ABCA3: variants seen among roughly 807,000 people sequenced by gnomAD.
The protein encoded by ABCA3 is phospholipid-transporting ATPase ABCA3.
Under a neutral mutation model 172.8 loss-of-function variants are expected in ABCA3, and 88 were observed. The observed-to-expected ratio is 0.51, with a 90% CI of 0.43 to 0.61. The LOEUF (loss-of-function observed/expected upper bound fraction) is 0.61. Among genes scored for constraint, ABCA3 ranks in the 20% least tolerant of loss-of-function variants. ABCA3 has a pLI of 0.00. For synonymous variants in ABCA3, 1,066 were observed against 983.8 expected (o/e 1.08, Z -1.56); for missense variants, 2,164 against 2,301.0 (o/e 0.94, Z 1.22).
intron 1 of ABCA3, chr16:2,332,316 T>C: frequency 1.4e-6 from 1 of 702,548 alleles, no homozygotes; most frequent in South Asian, 1.6e-5. Context: ...GATGGGCTTA[T>C]CGGTAGGATT....
intron 11 of ABCA3, among the ~76,000 whole-genome samples, chr16:2,306,213 T>C (rs1391016068): frequency 6.6e-6 from 1 of 151,994 alleles, no homozygotes; most frequent in Non-Finnish European, 1.5e-5. Flanking sequence ...GTAGTCCAGC[T>C]ACTCAGGAGG....
intron 10 of ABCA3, among the ~76,000 whole-genome samples, chr16:2,316,922 C>G (rs1236250273): frequency 6.6e-6 from 1 of 152,124 alleles, no homozygotes; most frequent in Non-Finnish European, 1.5e-5. Flanking sequence ...AACAAAGAAG[C>G]AAAAGAGAAT....
chr16:2,284,151 G>T lies in ABCA3; in HGVS notation c.3862+128C>A. 2 of 1,239,306 alleles carry T rather than the reference G, an allele frequency of 1.6e-6. No homozygotes were observed. Among genetic ancestry groups the T allele is most frequent in the Non-Finnish European group, 2.2e-6 (2 of 907,022 alleles). The allele number at this position is 1,239,306 out of a possible 1,614,324, so 76.8% of individuals were successfully genotyped here. A position where few individuals can be genotyped will look rare whatever the true frequency, so the allele number is the denominator to read the frequency against. Reference sequence around the variant, plus strand: ...CTGCTGTGGGAGGTGGGGCAAGGCGGTACAGAGGAACGCACCAGCCCCAGG... The same window carrying T: ...CTGCTGTGGGAGGTGGGGCAAGGCGTTACAGAGGAACGCACCAGCCCCAGG... On this transcript the variant is annotated intron_variant, in intron 25 of 32. Transcript: ENST00000301732. The surrounding 1 kb of genome is among the most constrained non-coding windows in gnomAD (Gnocchi z 5.9).
Position 2,323,789 on chromosome 16 carries a change from G to A in ABCA3, c.448-101C>T, listed in dbSNP as rs571077590. 1.3e-4 allele frequency: 168 copies of A among 1,289,144 alleles called. 1 individual carries two copies. The highest frequency in any genetic ancestry group is 2.7e-4 in the South Asian group (22 of 82,964). 79.9% of individuals were successfully genotyped at this position (1,289,144 alleles called of 1,614,324 possible). A position where few individuals can be genotyped will look rare whatever the true frequency, so the allele number is the denominator to read the frequency against. The stretch of plus-strand genomic sequence containing the variant: ...GCGCTTGGGGGGCTGTCACAGCCGA[G>A]AACTCACCACTCCCCCGCCTCTGAG... On this transcript the variant is annotated intron_variant, in intron 6 of 32. Coordinates refer to ENST00000301732, the MANE Select transcript of ABCA3 (RefSeq NM_001089.3).
chr16:2,302,223 C>A (rs2093690630), intron 12 of ABCA3, among the ~76,000 whole-genome samples: 1 of 152,200 alleles, frequency 6.6e-6, no homozygotes. Flanking sequence ...CACTTCGCAC[C>A]TCTATATTTC....
In ABCA3 at chr16:2,299,288, G is replaced by T. The variant is rs186313266; in HGVS notation, c.1741+115C>A. 6 of 1,451,080 alleles carry T rather than the reference G, an allele frequency of 4.1e-6. No homozygotes were observed. In the African/African-American group the frequency reaches 5.6e-5, roughly 13 times the overall value. The allele number at this position is 1,451,080 out of a possible 1,614,324, so 89.9% of individuals were successfully genotyped here. ...GCAGGGCTGAGGTGCATCTCCTGCCGCTGTGGTTGGGGAAGGCCCGAAAGC... is the reference window on the plus strand; with the variant it reads ...GCAGGGCTGAGGTGCATCTCCTGCCTCTGTGGTTGGGGAAGGCCCGAAAGC... On this transcript the variant is annotated intron_variant, in intron 14 of 32. Transcript: ENST00000301732.
chr16:2,298,607 C>T (rs979163023), intron 14 of ABCA3, 67 bp from the exon 15 acceptor site: 1 of 1,564,568 alleles, frequency 6.4e-7, no homozygotes, highest in African/African-American at 1.4e-5. Flanking sequence ...GCGGTAATGA[C>T]CCCCCACCCC....
chr16:2,287,823 G>T lies in ABCA3; in HGVS notation c.3004+203C>A, dbSNP rs1412289520. On this transcript the variant is annotated intron_variant, in intron 21 of 32. Coordinates refer to ENST00000301732, the MANE Select transcript of ABCA3 (RefSeq NM_001089.3). This position sits in a 1 kb window ranked among gnomAD's most constrained non-coding sequence, Gnocchi z 4.1. ...CAGTGCCGTGATCTGCCACCCAGGG[G>T]ACATCCGCAATGTTTCCAGGCATGT... 1.3e-5 allele frequency among the ~76,000 whole-genome samples: 2 copies of T among 152,224 alleles called. No homozygotes were observed. Among genetic ancestry groups the T allele is most frequent in the Non-Finnish European group, 2.9e-5 (2 of 68,034 alleles).
At position 2,285,317 on chromosome 16, in the gene ABCA3, CT is replaced by C; in HGVS notation, c.3483+124del. Reference sequence around the variant, plus strand: ...CAGCCGCCAGGGGATTCCAGCTGTCCTCCCTGAGTCGGGCCGAGCTGCCGGC... The same window carrying C: ...CAGCCGCCAGGGGATTCCAGCTGTCCCCCTGAGTCGGGCCGAGCTGCCGGC... On this transcript the variant is annotated intron_variant, in intron 23 of 32. Transcript: ENST00000301732. The surrounding 1 kb of genome is among the most constrained non-coding windows in gnomAD (Gnocchi z 4.7). 8.4e-7 allele frequency: 1 copy of C among 1,190,830 alleles called. No individual in the cohort carries two copies. The highest frequency in any genetic ancestry group is 1.2e-6 in the Non-Finnish European group (1 of 831,902). 73.8% of individuals were successfully genotyped at this position (1,190,830 alleles called of 1,614,324 possible). A position where few individuals can be genotyped will look rare whatever the true frequency, so the allele number is the denominator to read the frequency against.
At chr16:2,311,650 T>G (rs1473358997) in intron 10 of ABCA3, among the ~76,000 whole-genome samples, 1 of 152,114 alleles carries the variant, frequency 6.6e-6, no homozygotes, top group African/African-American at 2.4e-5. Context: ...GCCTCCTGAG[T>G]AGATGGGATT....
chr16:2,299,773 C>A (rs887810882), intron 13 of ABCA3, among the ~76,000 whole-genome samples: 2 of 152,240 alleles, frequency 1.3e-5, no homozygotes, highest in African/African-American at 4.8e-5. Context: ...GCCCATGAGG[C>A]CGAGGCACTG....
At position 2,297,835 on chromosome 16, in the gene ABCA3, C is replaced by A; in HGVS notation, c.1983G>T (p.Arg661=). ...IIGLEDKWNS[R]SRFLSGGMRR... ...TCATGCCCCCGCTCAGGAAGCGGCT[C>A]CGTGAGTTCCACTTGTCCTCCAGGC... Residue 661 remains arginine, a synonymous_variant, in exon 16 of 33, where the codon CGG becomes CGT. Transcript: ENST00000301732. The surrounding 1 kb of genome is among the most constrained non-coding windows in gnomAD (Gnocchi z 5.6). The A allele has an allele frequency of 6.2e-7, 1 of 1,613,784 alleles. No homozygotes were observed. Among genetic ancestry groups the A allele is most frequent in the Non-Finnish European group, 8.5e-7 (1 of 1,180,040 alleles).
At chr16:2,315,084 T>G (rs1038580251) in intron 10 of ABCA3, among the ~76,000 whole-genome samples, 3 of 151,314 alleles carry the variant, frequency 2.0e-5, no homozygotes, top group African/African-American at 7.3e-5. Context: ...GAGGTTTCAC[T>G]GTGTTGGCCA....
Position 2,317,382 on chromosome 16 carries a change from G to A in ABCA3, c.1012C>T (p.Leu338=), listed in dbSNP as rs1186077833. 1.9e-6 allele frequency: 3 copies of A among 1,613,896 alleles called. No homozygotes were observed. Among genetic ancestry groups the A allele is most frequent in the Non-Finnish European group, 2.5e-6 (3 of 1,180,004 alleles). The change falls in exon 10 of 33, where the codon CTG becomes TTG. Residue 338 remains leucine (L), a synonymous_variant. Transcript: ENST00000301732. ...ACCAGGGAGGGGTCGCTGCGGGACAGCACGGCTACATTTGGCTTCACCTGC... is the reference window on the plus strand; with the variant it reads ...ACCAGGGAGGGGTCGCTGCGGGACAACACGGCTACATTTGGCTTCACCTGC... The part of the protein sequence containing the change: ...CVKVKPNVAV[L]SRSDPSLVLA...
rs900215528 is a variant in ABCA3, at chr16:2,283,636, TG to T, written c.3863-279del. On this transcript the variant is annotated intron_variant, in intron 25 of 32. Transcript: ENST00000301732. The surrounding 1 kb of genome is among the most constrained non-coding windows in gnomAD (Gnocchi z 5.4). ...AGAGGCACAGGCTCTGCGTGAATCC[TG>T]GGCTGCCTCCTGACCAGGACAGAGA... 10 of 464,526 alleles carry T rather than the reference TG, an allele frequency of 2.2e-5. No homozygotes were observed. The highest frequency in any genetic ancestry group is 1.6e-4 in the African/African-American group (8 of 50,680). The allele number at this position is 464,526 out of a possible 1,614,324, so 28.8% of individuals were successfully genotyped here.
In ABCA3 at chr16:2,308,376, G is replaced by A. The variant is rs917896025; in HGVS notation, c.1285+74C>T. ...CCGTCCCAGGTGGAGCCTTGCTGCT[G>A]GCGGCTCTTGTGGTTGGGTGCTCTC... On this transcript the variant is annotated intron_variant, in intron 11 of 32. Transcript: ENST00000301732. 8 of 1,581,508 alleles carry A rather than the reference G, an allele frequency of 5.1e-6. No homozygotes were observed. In the African/African-American group the frequency reaches 8.1e-5, roughly 16 times the overall value.
At chr16:2,333,001 C>A (rs945852544) in intron 1 of ABCA3, among the ~76,000 whole-genome samples, 3 of 152,094 alleles carry the variant, frequency 2.0e-5, no homozygotes, top group African/African-American at 7.2e-5. Context: ...GAGATGGAGT[C>A]TTGCTATGTT....
At position 2,291,720 on chromosome 16, in the gene ABCA3, C is replaced by T. The variant is rs541674702; in HGVS notation, c.2513+420G>A. ...CTGCCCGCCCCACCCCAGGCTGTTC[C>T]TCCAGCCTCACGTGGGCATTTGAGA... On this transcript the variant is annotated intron_variant, in intron 19 of 32. Coordinates refer to ENST00000301732, the MANE Select transcript of ABCA3 (RefSeq NM_001089.3). Among the ~76,000 whole-genome samples, 217 of 152,340 alleles carry T rather than the reference C, an allele frequency of 1.4e-3. 1 individual carries two copies. The Middle Eastern group carries it at 0.024, about 17-fold the overall frequency.
intron 19 of ABCA3, among the ~76,000 whole-genome samples, chr16:2,290,752 C>T (rs2093670799): frequency 6.6e-6 from 1 of 152,226 alleles, no homozygotes; most frequent in Admixed American, 6.5e-5. Context: ...TTCCTGGACA[C>T]ATGGTCCCCT....
Sources: allele counts gnomAD v4.1 joint callset (sites outside exome capture counted in the v4.1 genomes callset), GRCh38; gene constraint gnomAD v4.1.1; non-coding constraint Gnocchi (gnomAD v3.1); transcripts MANE v1.5; gene names NCBI Gene and HGNC (gene_info 2026-07-23, HGNC 2026-07-21).